The following ALPK1 variants were observed in gnomAD, a reference collection of about 807,000 sequenced individuals.
ALPK1 encodes the protein alpha kinase 1.
ALPK1 carries 110 observed loss-of-function variants against 120.6 expected under a neutral mutation model. The ratio of observed to expected loss-of-function variants is 0.91; its 90% CI spans 0.78 to 1.07. The LOEUF (loss-of-function observed/expected upper bound fraction) is 1.07. ALPK1 is among the 50% of genes least tolerant of loss of function. The pLI is 0.00. For synonymous variants in ALPK1, 582 were observed against 560.3 expected, an observed-to-expected ratio of 1.04 and a Z score of -0.55; for missense variants, 1,498 against 1,483.9, an observed-to-expected ratio of 1.01 and a Z score of -0.16.
Position 112,432,221 on chromosome 4 carries a change from G to A in ALPK1, c.2674G>A (p.Val892Ile). Reference protein sequence around the residue: ...GQRAETPNSSVSGNILFPVLS... With the variant: ...GQRAETPNSSISGNILFPVLS... ...GAGGGCGGAGACCCCCAATTCCTCT[G>A]TAAGCGGTAACATCCTCTTCCCTGT... is the stretch of plus-strand genomic sequence containing the variant. The change falls in exon 11 of 16, where the codon GTA (valine) becomes ATA (isoleucine). Residue 892 changes from valine to isoleucine, a missense_variant. Physicochemically the swap from Val to Ile is conservative, Grantham distance 29. Transcript: ENST00000650871. 1 of 1,614,190 alleles carries A rather than the reference G, an allele frequency of 6.2e-7. No homozygotes were observed. The highest frequency in any genetic ancestry group is 1.1e-5 in the South Asian group (1 of 91,074).
At chr4:112,384,431 C>T (rs1340629277) in intron 4 of ALPK1, 2 of 152,316 alleles carry the variant, frequency 1.3e-5, no homozygotes, top group East Asian at 1.9e-4. Flanking sequence ...GACCGAAGAA[C>T]TGAATTTTTA....
chr4:112,350,187 T>C (rs1730290341), intron 2 of ALPK1, among the ~76,000 whole-genome samples: 2 of 152,218 alleles, frequency 1.3e-5, no homozygotes, highest in Admixed American at 1.3e-4. Context: ...CCAAGACAGA[T>C]TGCTCCTTTG....
At chr4:112,362,845 G>C (rs999059772) in intron 2 of ALPK1, among the ~76,000 whole-genome samples, 2 of 152,174 alleles carry the variant, frequency 1.3e-5, no homozygotes, top group Admixed American at 6.5e-5. Flanking sequence ...AAAAGCATCA[G>C]GTAATCTGTT....
intron 2 of ALPK1, among the ~76,000 whole-genome samples, chr4:112,371,350 T>C (rs1407047473): frequency 1.3e-5 from 2 of 152,164 alleles, no homozygotes; most frequent in Admixed American, 6.5e-5. Flanking sequence ...AAGGTGAAGA[T>C]ACAATTTTTT....
intron 5 of ALPK1, among the ~76,000 whole-genome samples, chr4:112,415,825 G>A (rs1045879965): frequency 6.6e-6 from 1 of 152,144 alleles, no homozygotes; most frequent in Admixed American, 6.5e-5. Flanking sequence ...TAAGCTTTTG[G>A]CATTTCACCT....
At chr4:112,420,144 C>CA (rs1201439710) in intron 5 of ALPK1, among the ~76,000 whole-genome samples, 3 of 152,180 alleles carry the variant, frequency 2.0e-5, no homozygotes, top group African/African-American at 7.2e-5. Flanking sequence ...ACAAAACAGG[C>CA]AAAACCTCCT....
intron 2 of ALPK1, chr4:112,357,075 C>T: frequency 3.0e-6 from 3 of 996,680 alleles, no homozygotes; most frequent in Non-Finnish European, 4.7e-6. Flanking sequence ...GAAGACATTG[C>T]AAAGCTGAAG....
At chr4:112,331,841 C>A (rs1261356285) in intron 2 of ALPK1, among the ~76,000 whole-genome samples, 6 of 152,172 alleles carry the variant, frequency 3.9e-5, no homozygotes, top group Non-Finnish European at 1.5e-5. Context: ...TGGAGAGCTG[C>A]TGTGCACATC....
chr4:112,304,982 C>T (rs1578444729), intron 1 of ALPK1, among the ~76,000 whole-genome samples: 1 of 152,016 alleles, frequency 6.6e-6, no homozygotes, highest in Admixed American at 6.5e-5. Flanking sequence ...AGCCAGTTTT[C>T]CCAGCACCAT....
In ALPK1 at chr4:112,335,152, A is replaced by G. The variant is rs554006504; in HGVS notation, c.-101+19300A>G. ...ATGCCTGTAATCCCTGGCACTTGGGAGGCTGAGGCAGGAGAATCGCTTGAA... is the reference window on the plus strand; with the variant it reads ...ATGCCTGTAATCCCTGGCACTTGGGGGGCTGAGGCAGGAGAATCGCTTGAA... On this transcript the variant is annotated intron_variant, in intron 2 of 15. Coordinates refer to ENST00000650871, the MANE Select transcript of ALPK1 (RefSeq NM_025144.4). Among the ~76,000 whole-genome samples the G allele has an allele frequency of 2.5e-3, 386 of 151,614 alleles. 2 individuals are homozygous for G. Among genetic ancestry groups the G allele is most frequent in the Non-Finnish European group, 2.1e-3 (146 of 67,910 alleles).
intron 4 of ALPK1, among the ~76,000 whole-genome samples, chr4:112,406,728 A>G (rs1733191117): frequency 6.6e-6 from 1 of 151,860 alleles, no homozygotes. Context: ...GTCTGTGTAG[A>G]GGCTGGCCAT....
At chr4:112,358,566 C>A in intron 2 of ALPK1, 1 of 703,238 alleles carries the variant, frequency 1.4e-6, no homozygotes. Flanking sequence ...GAGCCAGACC[C>A]TGCCTGGCAG....
intron 4 of ALPK1, chr4:112,383,239 TA>T (rs1363237917): frequency 2.0e-5 from 3 of 152,064 alleles, no homozygotes; most frequent in African/African-American, 7.2e-5. Context: ...CGTTGCTTTT[TA>T]CCCACATTCT....
rs1734481058 is a variant in ALPK1, at chr4:112,430,344, T to C, written c.901-104T>C. The C allele has an allele frequency of 3.5e-6, 4 of 1,144,594 alleles. No individual in the cohort carries two copies. The South Asian group carries it at 6.5e-5, about 19-fold the overall frequency. The allele number at this position is 1,144,594 out of a possible 1,614,324, so 70.9% of individuals were successfully genotyped here. A position where few individuals can be genotyped will look rare whatever the true frequency, so the allele number is the denominator to read the frequency against. The stretch of plus-strand genomic sequence containing the variant: ...AATGTATGTGGCATGTGTTCATTTT[T>C]CTATAATATTTCAAATGACTGTCCT... On this transcript the variant is annotated intron_variant, in intron 10 of 15. Transcript: ENST00000650871.
At chr4:112,359,233 C>T (rs992095378) in intron 2 of ALPK1, 12 of 565,940 alleles carry the variant, frequency 2.1e-5, no homozygotes, top group African/African-American at 9.5e-5. Context: ...GGGTCCAGAG[C>T]GCCCAGAGCA....
chr4:112,433,930 C>G (rs992511607), intron 11 of ALPK1, among the ~76,000 whole-genome samples: 5 of 152,138 alleles, frequency 3.3e-5, no homozygotes, highest in Non-Finnish European at 5.9e-5. Context: ...TTCTTATCAC[C>G]TCTCTGGTGA....
At chr4:112,304,700 T>A (rs1464676962) in intron 1 of ALPK1, among the ~76,000 whole-genome samples, 5 of 152,134 alleles carry the variant, frequency 3.3e-5, no homozygotes, top group Non-Finnish European at 7.3e-5. Flanking sequence ...TTCTGTAGGT[T>A]GCCTGTTCAC....
intron 11 of ALPK1, among the ~76,000 whole-genome samples, chr4:112,434,793 T>C (rs563579648): frequency 7.9e-5 from 12 of 152,350 alleles, no homozygotes; most frequent in African/African-American, 2.6e-4. Flanking sequence ...GTTGCAAGCA[T>C]GTGTCACTTG....
intron 2 of ALPK1, chr4:112,359,538 G>T: frequency 4.0e-6 from 1 of 250,690 alleles, no homozygotes; most frequent in South Asian, 5.7e-5. Flanking sequence ...ACCCCAAGAG[G>T]AGAGCCTTGC....
Sources: gnomAD v4.1 joint callset for allele counts (sites outside exome capture counted in the v4.1 genomes callset) on GRCh38, gnomAD v4.1.1 for gene constraint, MANE v1.5 for transcripts, NCBI Gene and HGNC (gene_info 2026-07-23, HGNC 2026-07-21) for gene names.